The following CRIM1 variants were observed in gnomAD, a reference collection of about 807,000 sequenced individuals.
The protein encoded by CRIM1 is cysteine-rich motor neuron 1 protein.
In CRIM1, 32 loss-of-function variants were observed where a neutral mutation model predicts 116.4. The observed-to-expected ratio is 0.27, with a 90% CI of 0.21 to 0.37. CRIM1 has a LOEUF of 0.37. Ranked by LOEUF, CRIM1 falls within the 10% of genes least tolerant of loss-of-function variation. CRIM1 has a pLI of 1.00. For synonymous variants in CRIM1, 590 were observed against 509.2 expected, an observed-to-expected ratio of 1.16 and a Z score of -2.13; for missense variants, 1,331 against 1,354.8, an observed-to-expected ratio of 0.98 and a Z score of 0.28.
At chr2:36,449,793 G>C (rs763600907) in intron 4 of CRIM1, among the ~76,000 whole-genome samples, 1 of 151,942 alleles carries the variant, frequency 6.6e-6, no homozygotes. Context: ...GAGATATATG[G>C]CTCGCCTAGG....
intron 9 of CRIM1, 99 bp downstream of exon 9, chr2:36,510,238 G>A (rs528470253): frequency 4.5e-5 from 53 of 1,175,954 alleles, no homozygotes; most frequent in Non-Finnish European, 6.3e-5. Context: ...TTAATCTATG[G>A]TATATTGAGC....
intron 2 of CRIM1, among the ~76,000 whole-genome samples, chr2:36,426,834 GGATA>G (rs1445216897): frequency 2.0e-5 from 3 of 152,138 alleles, no homozygotes; most frequent in African/African-American, 4.8e-5. Flanking sequence ...CATGGACAAA[GGATA>G]GCATTGACAT....
chr2:36,507,448 G>A (rs1336140941), intron 8 of CRIM1, among the ~76,000 whole-genome samples: 2 of 152,206 alleles, frequency 1.3e-5, no homozygotes, highest in Non-Finnish European at 2.9e-5. Flanking sequence ...AGCAAATGTT[G>A]TTGAATACCC....
chr2:36,460,954 C>T (rs1254293161), intron 4 of CRIM1, among the ~76,000 whole-genome samples: 1 of 152,102 alleles, frequency 6.6e-6, no homozygotes, highest in Non-Finnish European at 1.5e-5. Flanking sequence ...GCAGGCAGTG[C>T]AGAGACAGCA....
Position 36,550,152 on chromosome 2 carries a change from T to G in CRIM1, c.*1451T>G, listed in dbSNP as rs940940741. 2.0e-5 allele frequency: 3 copies of G among 152,514 alleles called. No homozygotes were observed. Among genetic ancestry groups the G allele is most frequent in the African/African-American group, 7.2e-5 (3 of 41,428 alleles). 9.4% of individuals were successfully genotyped at this position (152,514 alleles called of 1,614,324 possible). A position where few individuals can be genotyped will look rare whatever the true frequency, so the allele number is the denominator to read the frequency against. ...TTATTAAAATCTTCCTCATTTGGAT[T>G]TGCTTTCAGTTGGTTTTCAATTTGC... On this transcript the variant is annotated 3_prime_UTR_variant, in exon 17 of 17. Coordinates refer to ENST00000280527, the MANE Select transcript of CRIM1 (RefSeq NM_016441.3).
At chr2:36,439,102 C>G (rs941724297) in intron 2 of CRIM1, among the ~76,000 whole-genome samples, 1 of 152,128 alleles carries the variant, frequency 6.6e-6, no homozygotes, top group Non-Finnish European at 1.5e-5. Context: ...GAATGTTTCC[C>G]CTGAGTGAGG....
chr2:36,406,714 A>G (rs1012912253), intron 2 of CRIM1, among the ~76,000 whole-genome samples: 4 of 149,252 alleles, frequency 2.7e-5, no homozygotes, highest in Non-Finnish European at 5.9e-5. Flanking sequence ...TGCAAGGGCC[A>G]TGCCCTCTTT....
At chr2:36,413,297 A>G (rs572608808) in intron 2 of CRIM1, among the ~76,000 whole-genome samples, 2 of 152,318 alleles carry the variant, frequency 1.3e-5, no homozygotes, top group African/African-American at 2.4e-5. Flanking sequence ...TAAGCCCTTT[A>G]ATGTTCCTTT....
At chr2:36,437,050 C>T (rs566612432) in intron 2 of CRIM1, among the ~76,000 whole-genome samples, 1 of 152,174 alleles carries the variant, frequency 6.6e-6, no homozygotes, top group Admixed American at 6.5e-5. Context: ...TATAAGACAA[C>T]CAAATAGAAA....
At chr2:36,529,846 C>T (rs546496818) in intron 13 of CRIM1, among the ~76,000 whole-genome samples, 1 of 152,128 alleles carries the variant, frequency 6.6e-6, no homozygotes, top group Non-Finnish European at 1.5e-5. Context: ...TTATAAATTA[C>T]TTGCACTTCC....
At chr2:36,370,374 A>G (rs1312387926) in intron 1 of CRIM1, among the ~76,000 whole-genome samples, 1 of 152,154 alleles carries the variant, frequency 6.6e-6, no homozygotes, top group East Asian at 1.9e-4. Flanking sequence ...TTGGCAGTAG[A>G]TGAAATTATT....
intron 8 of CRIM1, 149 bp downstream of exon 8, chr2:36,499,496 C>T (rs975589884): frequency 2.4e-5 from 17 of 718,412 alleles, no homozygotes; most frequent in Non-Finnish European, 3.6e-5. Flanking sequence ...TTAACACAAA[C>T]AAATACATAG....
chr2:36,488,429 G>A (rs1013736625), intron 7 of CRIM1, among the ~76,000 whole-genome samples: 1 of 152,184 alleles, frequency 6.6e-6, no homozygotes, highest in East Asian at 1.9e-4. Context: ...CCAGAATGCA[G>A]ATTGGGAAAT....
At position 36,550,424 on chromosome 2, in the gene CRIM1, CTTG is replaced by C. The variant is rs1451742086; in HGVS notation, c.*1728_*1730del. 6.6e-6 allele frequency: 1 copy of C among 151,990 alleles called. No homozygotes were observed. The highest frequency in any genetic ancestry group is 2.4e-5 in the African/African-American group (1 of 41,060). 9.4% of individuals were successfully genotyped at this position (151,990 alleles called of 1,614,324 possible). On this transcript the variant is annotated 3_prime_UTR_variant, in exon 17 of 17. Coordinates refer to ENST00000280527, the MANE Select transcript of CRIM1 (RefSeq NM_016441.3). Reference sequence around the variant, plus strand: ...TGCATTGAGTTTTCTTTTAAAAATGCTTGTTGTGAAAGACACAGATACCCAGTA... The same window carrying C: ...TGCATTGAGTTTTCTTTTAAAAATGCTTGTGAAAGACACAGATACCCAGTA...
At chr2:36,505,228 C>G (rs1681308530) in intron 8 of CRIM1, among the ~76,000 whole-genome samples, 1 of 152,144 alleles carries the variant, frequency 6.6e-6, no homozygotes, top group Non-Finnish European at 1.5e-5. Flanking sequence ...GTAGGAATTG[C>G]CAGCATCTAA....
chr2:36,513,738 C>T lies in CRIM1; in HGVS notation c.1963C>T (p.Pro655Ser). 2 of 1,614,144 alleles carry T rather than the reference C, an allele frequency of 1.2e-6. No individual in the cohort carries two copies. Among genetic ancestry groups the T allele is most frequent in the Non-Finnish European group, 1.7e-6 (2 of 1,180,004 alleles). The stretch of plus-strand genomic sequence containing the variant: ...TGCCTGTGGCAACCCCACCATTCAC[C>T]CTGGACAGTGCTGCCCATCATGTGC... ...VPACGNPTIH[P>S]GQCCPSCADD... is the part of the protein sequence containing the mutation. Residue 655 changes from proline (P) to serine (S), a missense_variant, in exon 11 of 17, where the codon CCT becomes TCT. Physicochemically the swap from Pro to Ser is moderately conservative, Grantham distance 74. Transcript: ENST00000280527.
chr2:36,479,117 G>A (rs1679209642), intron 6 of CRIM1, among the ~76,000 whole-genome samples: 1 of 152,172 alleles, frequency 6.6e-6, no homozygotes, highest in Non-Finnish European at 1.5e-5. Context: ...GGGAAGTTGA[G>A]GTTTGATAAA....
intron 1 of CRIM1, among the ~76,000 whole-genome samples, chr2:36,385,127 A>AT (rs1671083990): frequency 6.6e-6 from 1 of 151,772 alleles, no homozygotes; most frequent in Admixed American, 6.6e-5. Context: ...TAGGCAAGAT[A>AT]TTTAGGGAAG....
chr2:36,450,241 A>C (rs1377453528), intron 4 of CRIM1, among the ~76,000 whole-genome samples: 2 of 152,166 alleles, frequency 1.3e-5, no homozygotes, highest in Non-Finnish European at 1.5e-5. Flanking sequence ...GTGCCCACAC[A>C]GGCTCACCTG....
Sources: gnomAD v4.1 joint callset for allele counts (sites outside exome capture counted in the v4.1 genomes callset) on GRCh38, gnomAD v4.1.1 for gene constraint, MANE v1.5 for transcripts, NCBI Gene and HGNC (gene_info 2026-07-23, HGNC 2026-07-21) for gene names.